TSPEAR: variants seen among roughly 807,000 people sequenced by gnomAD.
TSPEAR encodes thrombospondin-type laminin G domain and EAR repeat-containing protein.
TSPEAR carries 69 observed loss-of-function variants against 71.6 expected under a neutral mutation model. That is an observed-to-expected ratio of 0.96 (90% CI 0.79 to 1.18). The LOEUF (loss-of-function observed/expected upper bound fraction) is 1.18, where lower values mean the gene tolerates loss of function less well. Ranked by LOEUF, TSPEAR falls within the 50% of genes most tolerant of loss-of-function variation. The pLI, the probability that TSPEAR is intolerant of heterozygous loss-of-function variation, is 0.00. For synonymous variants in TSPEAR, 402 were observed against 387.2 expected, an observed-to-expected ratio of 1.04 and a Z score of -0.45; for missense variants, 971 against 894.9, an observed-to-expected ratio of 1.09 and a Z score of -1.09.
chr21:44,532,969 G>A lies in TSPEAR; in HGVS notation c.542+716C>T, dbSNP rs138570437. ...GCCTCGGCCTCCAGCCTGGAGGTTG[G>A]GGAAGGAGTTACTCTGACTTCCCGC... On this transcript the variant is annotated intron_variant, in intron 3 of 11. Transcript: ENST00000323084. Among the ~76,000 whole-genome samples the A allele has an allele frequency of 4.5e-3, 692 of 152,344 alleles. 4 individuals are homozygous for A. The highest frequency in any genetic ancestry group is 6.9e-3 in the Non-Finnish European group (471 of 68,026).
At chr21:44,540,976 TTA>T (rs1207251237) in intron 2 of TSPEAR, among the ~76,000 whole-genome samples, 4 of 151,842 alleles carry the variant, frequency 2.6e-5, no homozygotes, top group Non-Finnish European at 4.4e-5. Context: ...ATTCTTAAAT[TTA>T]TTTTTTTTTT....
At chr21:44,658,782 C>T (rs1199531480) in intron 1 of TSPEAR, among the ~76,000 whole-genome samples, 6 of 152,006 alleles carry the variant, frequency 3.9e-5, no homozygotes, top group Non-Finnish European at 8.8e-5. Flanking sequence ...ACAACTCTTG[C>T]GTTTTTATGT....
intron 1 of TSPEAR, among the ~76,000 whole-genome samples, chr21:44,645,788 A>T (rs936991363): frequency 5.9e-5 from 9 of 152,158 alleles, no homozygotes; most frequent in Non-Finnish European, 8.8e-5. Context: ...TGGAAACAGA[A>T]TTGCTTCCTT....
In TSPEAR at chr21:44,642,956, A is replaced by G. The variant is rs1984099675; in HGVS notation, c.82+68477T>C. On this transcript the variant is annotated intron_variant, in intron 1 of 11. Transcript: ENST00000323084. This position sits in a 1 kb window ranked among gnomAD's most constrained non-coding sequence, Gnocchi z 4.1. ...AAAGCCAGAGCTCAGAGATACCTGC[A>G]CTGCCATGCTAACTGCAGCACTATT... Among the ~76,000 whole-genome samples, 1 of 152,238 alleles carries G rather than the reference A, an allele frequency of 6.6e-6. No homozygotes were observed. The highest frequency in any genetic ancestry group is 6.5e-5 in the Admixed American group (1 of 15,280).
intron 1 of TSPEAR, among the ~76,000 whole-genome samples, chr21:44,698,350 T>A (rs1555951071): frequency 6.6e-6 from 1 of 152,226 alleles, no homozygotes. Context: ...AGGACACAGA[T>A]GCAGCCTCCT....
At chr21:44,600,565 C>G in intron 1 of TSPEAR, 1 of 1,559,396 alleles carries the variant, frequency 6.4e-7, no homozygotes, top group Non-Finnish European at 8.7e-7. Flanking sequence ...CACGGACTCA[C>G]TCACTCATTC....
intron 1 of TSPEAR, chr21:44,676,809 T>G: frequency 2.1e-6 from 2 of 933,488 alleles, no homozygotes; most frequent in Non-Finnish European, 1.8e-6. Context: ...CAGAGTCAAA[T>G]GCCCACTTTT....
chr21:44,504,448 C>T (rs1166332929), intron 11 of TSPEAR, among the ~76,000 whole-genome samples: 1 of 143,486 alleles, frequency 7.0e-6, no homozygotes, highest in African/African-American at 2.7e-5. Context: ...AGTGAGCCCA[C>T]AGTGGGGAAG....
intron 2 of TSPEAR, among the ~76,000 whole-genome samples, chr21:44,561,716 C>T (rs1230697406): frequency 6.6e-6 from 1 of 152,132 alleles, no homozygotes; most frequent in Non-Finnish European, 1.5e-5. Context: ...ATAAAGAGAA[C>T]CAATGACGAA....
intron 1 of TSPEAR, among the ~76,000 whole-genome samples, chr21:44,709,817 A>G (rs562868530): frequency 1.3e-5 from 2 of 152,394 alleles, no homozygotes; most frequent in South Asian, 4.1e-4. Flanking sequence ...TGACTTCTAC[A>G]GAACGATCTG....
intron 1 of TSPEAR, among the ~76,000 whole-genome samples, chr21:44,608,893 AT>A (rs1981481609): frequency 6.6e-6 from 1 of 152,262 alleles, no homozygotes; most frequent in Admixed American, 6.5e-5. Flanking sequence ...ATTAGTAAAA[AT>A]ATCAGTGAAA....
chr21:44,651,372 CA>C (rs1290166314), intron 1 of TSPEAR, among the ~76,000 whole-genome samples: 1 of 152,188 alleles, frequency 6.6e-6, no homozygotes, highest in East Asian at 1.9e-4. Context: ...CCTGTGGCCA[CA>C]AACTTAGTAG....
intron 1 of TSPEAR, among the ~76,000 whole-genome samples, chr21:44,636,994 C>T (rs587640624): frequency 1.4e-4 from 22 of 152,348 alleles, no homozygotes; most frequent in East Asian, 1.2e-3. Context: ...ATCTCAGCCA[C>T]GCCAGCCCAC....
At chr21:44,631,280 A>G (rs1337702494) in intron 1 of TSPEAR, among the ~76,000 whole-genome samples, 1 of 152,240 alleles carries the variant, frequency 6.6e-6, no homozygotes, top group Admixed American at 6.5e-5. Flanking sequence ...AGAGGAATCA[A>G]ATAGAAATTC....
At chr21:44,591,079 C>A (rs934282937) in intron 1 of TSPEAR, among the ~76,000 whole-genome samples, 5 of 151,782 alleles carry the variant, frequency 3.3e-5, no homozygotes, top group African/African-American at 7.3e-5. Context: ...CCTGTGCCCC[C>A]CGGGGGTCCA....
intron 2 of TSPEAR, among the ~76,000 whole-genome samples, chr21:44,567,376 C>A (rs958384799): frequency 5.3e-5 from 8 of 152,180 alleles, no homozygotes; most frequent in Non-Finnish European, 1.2e-4. Flanking sequence ...ACATTACTGT[C>A]TTCACCTTCC....
chr21:44,525,905 A>G (rs2052846476), intron 7 of TSPEAR, 66 bp from the exon 8 acceptor site: 1 of 1,517,250 alleles, frequency 6.6e-7, no homozygotes, highest in Non-Finnish European at 9.1e-7. Context: ...TGGTTTCTGA[A>G]GGCTTCTGAA....
intron 1 of TSPEAR, chr21:44,702,093 AG>A: frequency 1.2e-6 from 1 of 820,332 alleles, no homozygotes; most frequent in Non-Finnish European, 1.9e-6. Flanking sequence ...TATGAGAGGG[AG>A]GCAGGGAAAC....
At chr21:44,610,808 C>A (rs141490567) in intron 1 of TSPEAR, among the ~76,000 whole-genome samples, 1 of 152,164 alleles carries the variant, frequency 6.6e-6, no homozygotes, top group East Asian at 1.9e-4. Flanking sequence ...TGGAGCTGTC[C>A]GAGACCATGG....
Sources: gnomAD v4.1 joint callset for allele counts (sites outside exome capture counted in the v4.1 genomes callset) on GRCh38, gnomAD v4.1.1 for gene constraint, Gnocchi (gnomAD v3.1) non-coding constraint, MANE v1.5 for transcripts, NCBI Gene and HGNC (gene_info 2026-07-23, HGNC 2026-07-21) for gene names.